BMP2K: variants seen among roughly 807,000 people sequenced by gnomAD.
The protein encoded by BMP2K is BMP-2-inducible protein kinase.
In BMP2K, 74 loss-of-function variants were observed where a neutral mutation model predicts 116.0. That is an observed-to-expected ratio of 0.64 (90% CI 0.53 to 0.77). The LOEUF is 0.77. Among genes scored for constraint, BMP2K ranks in the 30% least tolerant of loss-of-function variants. The pLI is 0.00. For synonymous variants in BMP2K, 486 were observed against 502.5 expected, an observed-to-expected ratio of 0.97 and a Z score of 0.44; for missense variants, 1,365 against 1,403.6, an observed-to-expected ratio of 0.97 and a Z score of 0.44.
intron 2 of BMP2K, among the ~76,000 whole-genome samples, chr4:78,832,639 T>C (rs1730265050): frequency 6.6e-6 from 1 of 152,104 alleles, no homozygotes; most frequent in Admixed American, 6.5e-5. Flanking sequence ...TCTTGTACTT[T>C]TGTACAAGAC....
chr4:78,821,158 T>G (rs765182811), intron 1 of BMP2K, among the ~76,000 whole-genome samples: 6 of 152,214 alleles, frequency 3.9e-5, no homozygotes, highest in Non-Finnish European at 8.8e-5. Flanking sequence ...TTGCTTGTTT[T>G]ACTATCTTGT....
intron 2 of BMP2K, among the ~76,000 whole-genome samples, chr4:78,833,174 G>A (rs532858319): frequency 2.6e-5 from 4 of 152,082 alleles, no homozygotes; most frequent in South Asian, 4.1e-4. Context: ...ATAGCTACAC[G>A]TAAATTGCAA....
At chr4:78,829,368 C>G (rs1381662381) in intron 2 of BMP2K, among the ~76,000 whole-genome samples, 4 of 151,826 alleles carry the variant, frequency 2.6e-5, no homozygotes, top group Non-Finnish European at 5.9e-5. Context: ...GCAATTCTGT[C>G]AGATCTTCAG....
chr4:78,901,270 A>T (rs968508172), intron 15 of BMP2K, among the ~76,000 whole-genome samples: 22 of 145,618 alleles, frequency 1.5e-4, no homozygotes, highest in African/African-American at 5.5e-4. Flanking sequence ...TATGTTGCCT[A>T]GGCTTGTCTC....
intron 10 of BMP2K, among the ~76,000 whole-genome samples, chr4:78,866,648 TTTTA>T (rs929422518): frequency 7.2e-5 from 11 of 152,264 alleles, no homozygotes; most frequent in Admixed American, 3.3e-4. Context: ...TGTTTTTATT[TTTTA>T]TTTATTTATT....
intron 6 of BMP2K, among the ~76,000 whole-genome samples, chr4:78,847,635 A>T (rs1343043744): frequency 6.6e-6 from 1 of 151,536 alleles, no homozygotes; most frequent in Non-Finnish European, 1.5e-5. Context: ...AATTTTCTGG[A>T]GTATTTTAGG....
intron 2 of BMP2K, among the ~76,000 whole-genome samples, chr4:78,829,531 A>G (rs1730051567): frequency 6.6e-6 from 1 of 151,080 alleles, no homozygotes; most frequent in African/African-American, 2.4e-5. Flanking sequence ...TAATATTTTG[A>G]CTTCCTCCTA....
At chr4:78,814,874 C>T (rs1391188237) in intron 1 of BMP2K, among the ~76,000 whole-genome samples, 12 of 152,120 alleles carry the variant, frequency 7.9e-5, no homozygotes. Context: ...ATTATATTCA[C>T]ATCTAGAGAC....
intron 13 of BMP2K, 91 bp from the exon 14 acceptor site, chr4:78,878,642 TA>T (rs780322410): frequency 6.0e-5 from 64 of 1,061,910 alleles, no homozygotes; most frequent in Non-Finnish European, 8.7e-5. Context: ...GTTTTCTAAG[TA>T]TTTATAAAGT....
intron 7 of BMP2K, among the ~76,000 whole-genome samples, chr4:78,855,452 A>G (rs1311280093): frequency 6.6e-6 from 1 of 152,174 alleles, no homozygotes; most frequent in African/African-American, 2.4e-5. Context: ...CTGTTAGATT[A>G]GAGATGGTGG....
At chr4:78,819,996 G>T (rs1368873826) in intron 1 of BMP2K, among the ~76,000 whole-genome samples, 1 of 152,076 alleles carries the variant, frequency 6.6e-6, no homozygotes, top group Non-Finnish European at 1.5e-5. Context: ...GTGGATTCTA[G>T]TGTATTTTCT....
At chr4:78,836,892 A>G (rs1249963582) in intron 3 of BMP2K, among the ~76,000 whole-genome samples, 1 of 152,136 alleles carries the variant, frequency 6.6e-6, no homozygotes, top group African/African-American at 2.4e-5. Context: ...TTCTCCATGG[A>G]CACTTTTAGT....
chr4:78,860,558 A>G (rs1400791329), intron 8 of BMP2K, among the ~76,000 whole-genome samples: 2 of 151,868 alleles, frequency 1.3e-5, no homozygotes, highest in South Asian at 2.1e-4. Context: ...TTTCAATTTT[A>G]TTCACTGACT....
intron 1 of BMP2K, among the ~76,000 whole-genome samples, chr4:78,813,705 A>T (rs1729199073): frequency 6.6e-6 from 1 of 152,124 alleles, no homozygotes; most frequent in Non-Finnish European, 1.5e-5. Context: ...AAGTCACCTC[A>T]GGTCTTCCCC....
rs1256366945 is a variant in BMP2K, at chr4:78,878,792, C to A, written c.1852C>A (p.Pro618Thr). 13 of 1,613,250 alleles carry A rather than the reference C, an allele frequency of 8.1e-6. No homozygotes were observed. The highest frequency in any genetic ancestry group is 1.1e-5 in the Non-Finnish European group (13 of 1,179,740). Residue 618 changes from proline (P) to threonine (T), a missense_variant, in exon 14 of 16, where the codon CCA becomes ACA. This residue lies in a region of BMP2K where 762 missense variants were observed against 756.7 expected (regional missense o/e 1.01). Transcript: ENST00000502613. ...CACAAATCAGAAGAACATCAGCAAT[C>A]CACCTGATATGTCAGGGTGGAATCC... is the stretch of plus-strand genomic sequence containing the variant. ...NFTNQKNISN[P>T]PDMSGWNPFG...
intron 1 of BMP2K, among the ~76,000 whole-genome samples, chr4:78,794,977 A>G (rs919675412): frequency 1.1e-4 from 17 of 152,194 alleles, no homozygotes; most frequent in African/African-American, 4.1e-4. Flanking sequence ...TTTAGTTTGA[A>G]TAGGTTGGTG....
At position 78,847,280 on chromosome 4, in the gene BMP2K, G is replaced by A. The variant is rs1354328333; in HGVS notation, c.750+11G>A. 6.4e-7 allele frequency: 1 copy of A among 1,565,906 alleles called. No individual in the cohort carries two copies. Among genetic ancestry groups the A allele is most frequent in the East Asian group, 2.3e-5 (1 of 43,828 alleles). On this transcript the variant is annotated intron_variant, in intron 6 of 15. Transcript: ENST00000502613. ...AAGGCTGATATCTGGGTAAGGCCAA[G>A]AAAGGCTGGAACTTGCTCTAACCAA...
chr4:78,818,357 T>G (rs1213167120), intron 1 of BMP2K, among the ~76,000 whole-genome samples: 1 of 152,198 alleles, frequency 6.6e-6, no homozygotes, highest in Non-Finnish European at 1.5e-5. Flanking sequence ...CCACAATGGT[T>G]GAACTTATTT....
At chr4:78,784,797 T>C (rs997693317) in intron 1 of BMP2K, among the ~76,000 whole-genome samples, 3 of 152,236 alleles carry the variant, frequency 2.0e-5, no homozygotes, top group Non-Finnish European at 4.4e-5. Context: ...TGGTAATCCC[T>C]GTTCTGCCTC....
Sources: allele counts gnomAD v4.1 joint callset (sites outside exome capture counted in the v4.1 genomes callset), GRCh38; gene constraint gnomAD v4.1.1; regional missense constraint gnomAD v4.1.1; transcripts MANE v1.5; gene names NCBI Gene and HGNC (gene_info 2026-07-23, HGNC 2026-07-21).